DENND4B: variants seen among roughly 807,000 people sequenced by gnomAD.
DENND4B encodes DENN domain containing 4B.
A neutral mutation model predicts 161.0 loss-of-function variants in DENND4B; 67 were observed. The observed-to-expected ratio is 0.42, with a 90% CI of 0.34 to 0.51. The LOEUF is 0.51. Ranked by LOEUF, DENND4B falls within the 20% of genes least tolerant of loss-of-function variation. The probability of loss-of-function intolerance (pLI) is 0.08; values close to 1 mark genes in which losing one functional copy is unlikely to be tolerated. For synonymous variants in DENND4B, 753 were observed against 813.8 expected, an observed-to-expected ratio of 0.93 and a Z score of 1.27; for missense variants, 1,481 against 1,968.0, an observed-to-expected ratio of 0.75 and a Z score of 4.68.
At position 153,940,949 on chromosome 1, in the gene DENND4B, C is replaced by T. The variant is rs747516721; in HGVS notation, c.1281G>A (p.Ser427=). 1.1e-5 allele frequency: 18 copies of T among 1,600,450 alleles called. 1 individual carries two copies. Among genetic ancestry groups the T allele is most frequent in the Middle Eastern group, 1.9e-4 (1 of 5,330 alleles). Residue 427 remains serine (S), a synonymous_variant, in exon 9 of 28, where the codon TCG becomes TCA. Transcript: ENST00000361217. This position sits in a 1 kb window ranked among gnomAD's most constrained non-coding sequence, Gnocchi z 5.6. The part of the protein sequence containing the change: ...VLTEHKLLVH[S]LRPDLLTSVC... ...CGCTGGTGAGCAGGTCTGGCCGCAG[C>T]GAGTGGACTAGCAGCTTGTGCTCTG... is the stretch of plus-strand genomic sequence containing the variant.
Position 153,937,587 on chromosome 1 carries a change from A to G in DENND4B, c.2133T>C (p.Ala711=). The G allele has an allele frequency of 1.9e-6, 3 of 1,613,304 alleles. No homozygotes were observed. The highest frequency in any genetic ancestry group is 2.5e-6 in the Non-Finnish European group (3 of 1,179,520). ...YCYDGFPELR[A]ELFESLQEQP... is the part of the protein sequence containing the mutation. ...GCTCTTGAAGAGACTCAAACAACTC[A>G]GCCCGTAGCTCTGGGAATCCATCAT... The change falls in exon 15 of 28, where the codon GCT becomes GCC. Residue 711 remains alanine (A), a synonymous_variant. Coordinates refer to ENST00000361217, the MANE Select transcript of DENND4B (RefSeq NM_014856.3). This position sits in a 1 kb window ranked among gnomAD's most constrained non-coding sequence, Gnocchi z 4.7.
At position 153,934,790 on chromosome 1, in the gene DENND4B, C is replaced by T; in HGVS notation, c.2743G>A (p.Ala915Thr). The T allele has an allele frequency of 6.2e-7, 1 of 1,610,356 alleles. No individual in the cohort carries two copies. Among genetic ancestry groups the T allele is most frequent in the Non-Finnish European group, 8.5e-7 (1 of 1,179,098 alleles). The change falls in exon 18 of 28, where the codon GCA (alanine) becomes ACA (threonine). Residue 915 changes from alanine to threonine, a missense_variant. By Grantham distance (58) the Ala-to-Thr change is moderately conservative (BLOSUM62 0). Transcript: ENST00000361217. This position sits in a 1 kb window ranked among gnomAD's most constrained non-coding sequence, Gnocchi z 5.3. ...TGGGAGCTGCCTGCCTCTTGATGTGCTGACACCTGCTCCTGCTGCTGCTGC... is the reference window on the plus strand; with the variant it reads ...TGGGAGCTGCCTGCCTCTTGATGTGTTGACACCTGCTCCTGCTGCTGCTGC... The part of the protein sequence containing the change: ...QQQQQQEQVS[A>T]HQEAGSSQAE...
intron 1 of DENND4B, chr1:153,945,175 G>A: frequency 7.8e-7 from 1 of 1,289,422 alleles, no homozygotes; most frequent in Non-Finnish European, 1.0e-6. Context: ...GAGCCCCAAG[G>A]GTCCTGAGGC....
chr1:153,936,172 A>C lies in DENND4B; in HGVS notation c.2456T>G (p.Leu819Arg). 1 of 1,606,938 alleles carries C rather than the reference A, an allele frequency of 6.2e-7. No homozygotes were observed. The highest frequency in any genetic ancestry group is 8.5e-7 in the Non-Finnish European group (1 of 1,176,768). ...VLPDEVCYRV[L>R]MQLCSHYGQP... ...CCCATAGTGTGAGCAGAGCTGCATC[A>C]GTACCCGGTAACACACCTGGGCCAG... Residue 819 changes from leucine (L) to arginine (R), a missense_variant, in exon 17 of 28, where the codon CTG (leucine) becomes CGG (arginine). Leu to Arg is a moderately radical substitution (Grantham distance 102). This residue lies in a region of DENND4B where 806 missense variants were observed against 1,134.4 expected (regional missense o/e 0.71). Coordinates refer to ENST00000361217, the MANE Select transcript of DENND4B (RefSeq NM_014856.3). The surrounding 1 kb of genome is among the most constrained non-coding windows in gnomAD (Gnocchi z 4.1).
chr1:153,944,057 C>A lies in DENND4B; in HGVS notation c.317+1G>T, dbSNP rs1347880312. The A allele has an allele frequency of 6.4e-7, 1 of 1,562,128 alleles. No homozygotes were observed. On this transcript the variant is annotated splice_donor_variant, in intron 2 of 27. Transcript: ENST00000361217. LOFTEE classifies it high-confidence loss of function. The surrounding 1 kb of genome is among the most constrained non-coding windows in gnomAD (Gnocchi z 4.8). ...GTGCCAGCATGGGTAGGGGCACACACCCCAGCTCAACGAGGGGGGGCTTGT... is the reference window on the plus strand; with the variant it reads ...GTGCCAGCATGGGTAGGGGCACACAACCCAGCTCAACGAGGGGGGGCTTGT...
At chr1:153,939,966 C>T (rs1679571183) in intron 11 of DENND4B, 162 bp from the exon 12 acceptor site, 4 of 833,868 alleles carry the variant, frequency 4.8e-6, no homozygotes, top group Non-Finnish European at 7.4e-6. Flanking sequence ...ATATTTCCCA[C>T]ATGTTCAGGA....
At position 153,940,864 on chromosome 1, in the gene DENND4B, A is replaced by G. The variant is rs1679622973; in HGVS notation, c.1326+40T>C. On this transcript the variant is annotated intron_variant, in intron 9 of 27. Transcript: ENST00000361217. This position sits in a 1 kb window ranked among gnomAD's most constrained non-coding sequence, Gnocchi z 5.6. ...AGGGATAGGGGCACCAGAAAGAACC[A>G]TGGTTCTGGGGAAGATGGGCCAGGC... The G allele has an allele frequency of 4.6e-6, 7 of 1,535,094 alleles. No homozygotes were observed. The highest frequency in any genetic ancestry group is 6.1e-6 in the Non-Finnish European group (7 of 1,144,860).
Position 153,939,575 on chromosome 1 carries a change from C to A in DENND4B, c.1819+14G>T, listed in dbSNP as rs1304989086. The A allele has an allele frequency of 6.3e-7, 1 of 1,589,360 alleles. No homozygotes were observed. Among genetic ancestry groups the A allele is most frequent in the Non-Finnish European group, 8.6e-7 (1 of 1,162,782 alleles). On this transcript the variant is annotated intron_variant, in intron 12 of 27. Coordinates refer to ENST00000361217, the MANE Select transcript of DENND4B (RefSeq NM_014856.3). ...CCCATGATACATCTCCAAGCAGAGA[C>A]AGGCCCTCTATACCCTGCAGGAAGA...
In DENND4B at chr1:153,936,953, C is replaced by T. The variant is rs1208324633; in HGVS notation, c.2233-205G>A. ...AGTAGCTGGGACGCACCACCAAGCC[C>T]GACTGATTGTTTTGTACTTTTTGTA... On this transcript the variant is annotated intron_variant, in intron 15 of 27. Transcript: ENST00000361217. This position sits in a 1 kb window ranked among gnomAD's most constrained non-coding sequence, Gnocchi z 4.1. 6.6e-6 allele frequency among the ~76,000 whole-genome samples: 1 copy of T among 152,178 alleles called. No homozygotes were observed. The highest frequency in any genetic ancestry group is 6.5e-5 in the Admixed American group (1 of 15,270).
chr1:153,941,080 A>C (rs776629550), intron 8 of DENND4B, 32 bp from the exon 9 acceptor site: 12 of 1,553,916 alleles, frequency 7.7e-6, no homozygotes, highest in South Asian at 4.7e-5. Flanking sequence ...GGAAAGGGTC[A>C]CCAGGATACC....
chr1:153,936,003 C>T lies in DENND4B; in HGVS notation c.2568+57G>A. On this transcript the variant is annotated intron_variant, in intron 17 of 27. Transcript: ENST00000361217. The surrounding 1 kb of genome is among the most constrained non-coding windows in gnomAD (Gnocchi z 4.1). The stretch of plus-strand genomic sequence containing the variant: ...AAGGAGCGAGGGGAGCAGCAGCAGC[C>T]TCCCCTCACACACCCTGGCACAGCT... The T allele has an allele frequency of 6.2e-7, 1 of 1,600,484 alleles. No individual in the cohort carries two copies. Among genetic ancestry groups the T allele is most frequent in the Non-Finnish European group, 8.5e-7 (1 of 1,172,534 alleles).
intron 2 of DENND4B, among the ~76,000 whole-genome samples, chr1:153,943,678 TAAAAAAAAAA>T (rs11330733): frequency 3.2e-5 from 3 of 92,408 alleles, no homozygotes; most frequent in Non-Finnish European, 4.3e-5. Flanking sequence ...ACTCTGTCTA[TAAAAAAAAAA>T]AAAAAAAAAA....
chr1:153,937,611 A>G lies in DENND4B; in HGVS notation c.2109T>C (p.Tyr703=). ...EGSESTPQYC[Y]DGFPELRAEL... is the part of the protein sequence containing the mutation. ...CAGCCCGTAGCTCTGGGAATCCATC[A>G]TAGCTGGAGGGGCAGAGAGAAGCAA... Residue 703 remains tyrosine, a synonymous_variant, in exon 15 of 28, where the codon TAT becomes TAC. Coordinates refer to ENST00000361217, the MANE Select transcript of DENND4B (RefSeq NM_014856.3). The surrounding 1 kb of genome is among the most constrained non-coding windows in gnomAD (Gnocchi z 4.7). 6.2e-7 allele frequency: 1 copy of G among 1,612,304 alleles called. No homozygotes were observed. The highest frequency in any genetic ancestry group is 8.5e-7 in the Non-Finnish European group (1 of 1,178,810).
chr1:153,932,149 T>C lies in DENND4B; in HGVS notation c.3996+55A>G, dbSNP rs2102005543. On this transcript the variant is annotated intron_variant, in intron 24 of 27. Transcript: ENST00000361217. The surrounding 1 kb of genome is among the most constrained non-coding windows in gnomAD (Gnocchi z 5.8). Reference sequence around the variant, plus strand: ...CAGTGCCAAGGACACAGTGGACAAATGGCTGAGAGATGAGGGAGGCACTTA... The same window carrying C: ...CAGTGCCAAGGACACAGTGGACAAACGGCTGAGAGATGAGGGAGGCACTTA... The C allele has an allele frequency of 6.7e-7, 1 of 1,495,966 alleles. No homozygotes were observed. Among genetic ancestry groups the C allele is most frequent in the Non-Finnish European group, 9.2e-7 (1 of 1,089,882 alleles). 92.7% of individuals were successfully genotyped at this position (1,495,966 alleles called of 1,614,324 possible).
intron 17 of DENND4B, 72 bp downstream of exon 17, chr1:153,935,988 G>GGGA (rs1679310407): frequency 6.3e-7 from 1 of 1,577,538 alleles, no homozygotes; most frequent in Admixed American, 1.7e-5. Flanking sequence ...AAGGAGCGAG[G>GGGA]GGAGCAGCAG....
intron 24 of DENND4B, 63 bp from the exon 25 acceptor site, chr1:153,931,127 C>A: frequency 7.5e-7 from 1 of 1,341,352 alleles, no homozygotes; most frequent in Non-Finnish European, 1.0e-6. Context: ...GGACAAGAAA[C>A]GGACAGGTGA....
At chr1:153,935,059 C>T in intron 17 of DENND4B, 95 bp from the exon 18 acceptor site, 1 of 1,552,258 alleles carries the variant, frequency 6.4e-7, no homozygotes, top group Non-Finnish European at 8.7e-7. Flanking sequence ...GACCGCCCTT[C>T]CCCTGCAGAC....
intron 2 of DENND4B, among the ~76,000 whole-genome samples, chr1:153,943,588 G>A (rs1218447507): frequency 1.4e-5 from 2 of 147,654 alleles, no homozygotes; most frequent in Non-Finnish European, 1.5e-5. Context: ...TGAGGCAGGA[G>A]AATTGCCTGA....
In DENND4B at chr1:153,944,756, T is replaced by C. The variant is rs146411720; in HGVS notation, c.-23-359A>G. 3.1e-3 allele frequency among the ~76,000 whole-genome samples: 468 copies of C among 152,346 alleles called. 1 individual carries two copies. Among genetic ancestry groups the C allele is most frequent in the Non-Finnish European group, 5.5e-3 (374 of 68,034 alleles). On this transcript the variant is annotated intron_variant, in intron 1 of 27. Coordinates refer to ENST00000361217, the MANE Select transcript of DENND4B (RefSeq NM_014856.3). The surrounding 1 kb of genome is among the most constrained non-coding windows in gnomAD (Gnocchi z 4.8). Reference sequence around the variant, plus strand: ...TAATAGCCTTCCATGACATCATTCATGCTGGCCATGACATCATACCAACCT... The same window carrying C: ...TAATAGCCTTCCATGACATCATTCACGCTGGCCATGACATCATACCAACCT...
Sources: gnomAD v4.1 joint callset for allele counts (sites outside exome capture counted in the v4.1 genomes callset) on GRCh38, gnomAD v4.1.1 for gene constraint, gnomAD v4.1.1 regional missense constraint, Gnocchi (gnomAD v3.1) non-coding constraint, MANE v1.5 for transcripts, NCBI Gene and HGNC (gene_info 2026-07-23, HGNC 2026-07-21) for gene names.